Variants in STK3 observed in about 807,000 individuals in gnomAD.
The protein encoded by STK3 is serine/threonine kinase 3, also known as serine/threonine-protein kinase 3.
A neutral mutation model predicts 58.0 loss-of-function variants in STK3; 41 were observed. The observed-to-expected ratio is 0.71, with a 90% CI of 0.55 to 0.92. The LOEUF (loss-of-function observed/expected upper bound fraction) is 0.92, where lower values mean the gene tolerates loss of function less well. STK3 is among the 40% of genes least tolerant of loss of function. The probability of loss-of-function intolerance (pLI) is 0.00; values close to 1 mark genes in which losing one functional copy is unlikely to be tolerated. For synonymous variants in STK3, 170 were observed against 191.0 expected (o/e 0.89, Z 0.91); for missense variants, 479 against 602.7 (o/e 0.79, Z 2.15).
chr8:98,823,430 AAGAG>A (rs556149662), intron 1 of STK3, among the ~76,000 whole-genome samples: 1 of 152,246 alleles, frequency 6.6e-6, no homozygotes, highest in Non-Finnish European at 1.5e-5. Context: ...AATGATAAGA[AAGAG>A]AGTTTCAAAA....
rs182203051 is a variant in STK3 at position 98,649,688 on chromosome 8, A to G, written c.685-53519T>C. ...TTCATTTCTCACTTTTTTCTCCATA[A>G]TTTTCTTAGTCAACAAGTATGAACA... On this transcript the variant is annotated intron_variant, in intron 6 of 10. Transcript: ENST00000419617. Among the ~76,000 whole-genome samples the G allele has an allele frequency of 5.9e-3, 901 of 152,196 alleles. 5 individuals are homozygous for G. Among genetic ancestry groups the G allele is most frequent in the Non-Finnish European group, 8.7e-3 (592 of 67,980 alleles).
chr8:98,404,131 C>T (rs949331047), intron 3 of STK3, among the ~76,000 whole-genome samples: 2 of 152,226 alleles, frequency 1.3e-5, no homozygotes, highest in African/African-American at 2.4e-5. Flanking sequence ...CCTCCATTTA[C>T]AGCGAATCTA....
intron 10 of STK3, among the ~76,000 whole-genome samples, chr8:98,458,940 AAC>A (rs1317547675): frequency 6.6e-6 from 1 of 152,204 alleles, no homozygotes; most frequent in East Asian, 1.9e-4. Flanking sequence ...AAAATGGACT[AAC>A]ACAGTTAACT....
intron 10 of STK3, among the ~76,000 whole-genome samples, chr8:98,490,793 C>T (rs182893516): frequency 6.3e-4 from 96 of 152,218 alleles, no homozygotes; most frequent in Admixed American, 1.0e-3. Flanking sequence ...CGAATCTAGA[C>T]GTGTCAAAAG....
At chr8:98,762,402 C>G (rs1830680208) in intron 3 of STK3, among the ~76,000 whole-genome samples, 1 of 152,084 alleles carries the variant, frequency 6.6e-6, no homozygotes, top group South Asian at 2.1e-4. Flanking sequence ...ATTACAGGTG[C>G]CTGCCACCAC....
intron 4 of STK3, among the ~76,000 whole-genome samples, chr8:98,735,206 T>C (rs762379869): frequency 1.3e-5 from 2 of 152,116 alleles, no homozygotes; most frequent in Non-Finnish European, 2.9e-5. Context: ...AATTGGCTGT[T>C]TCAGCTCAAC....
Position 98,596,124 on chromosome 8 carries a change from G to T in STK3, c.730C>A (p.Pro244Thr). The T allele has an allele frequency of 6.2e-7, 1 of 1,613,096 alleles. No homozygotes were observed. Among genetic ancestry groups the T allele is most frequent in the Non-Finnish European group, 8.5e-7 (1 of 1,179,514 alleles). The change falls in exon 7 of 11, where the codon CCA (proline) becomes ACA (threonine). Residue 244 changes from proline to threonine, a missense_variant. By Grantham distance (38) the Pro-to-Thr change is conservative (BLOSUM62 -1). Around this residue, in one of 3 missense-constraint regions of STK3, gnomAD observed 309 missense variants for 355.7 expected, o/e 0.87. Coordinates refer to ENST00000419617, the MANE Select transcript of STK3 (RefSeq NM_006281.4). The part of the protein sequence containing the change: ...PTNPPPTFRK[P>T]ELWSDDFTDF... ...GTGAAATCATCGGACCAAAGTTCTG[G>T]CTTTCTGAATGTTGGTGGTGGATTT...
chr8:98,497,083 T>A (rs1823196543), intron 10 of STK3, among the ~76,000 whole-genome samples: 1 of 152,104 alleles, frequency 6.6e-6, no homozygotes, highest in Non-Finnish European at 1.5e-5. Flanking sequence ...GACAGTGTGG[T>A]AGTGGCATGA....
chr8:98,815,513 G>A (rs1452311287), intron 1 of STK3, among the ~76,000 whole-genome samples: 1 of 152,092 alleles, frequency 6.6e-6, no homozygotes, highest in Non-Finnish European at 1.5e-5. Flanking sequence ...AAATATCACA[G>A]CAGACAACAA....
chr8:98,381,213 C>T (rs1817728505), intron 1 of STK3, among the ~76,000 whole-genome samples: 1 of 151,992 alleles, frequency 6.6e-6, no homozygotes, highest in South Asian at 2.1e-4. Context: ...TCAGGTGATC[C>T]ACCTGCCTCA....
At chr8:98,586,429 G>A (rs992599905) in intron 7 of STK3, among the ~76,000 whole-genome samples, 2 of 150,602 alleles carry the variant, frequency 1.3e-5, no homozygotes, top group East Asian at 1.9e-4. Flanking sequence ...AACCAGCCTT[G>A]CATCCCAGGG....
rs1391616812 is a variant in STK3, at chr8:98,825,570, T to C, written c.-30A>G. On this transcript the variant is annotated 5_prime_UTR_variant, in exon 1 of 11. Coordinates refer to ENST00000419617, the MANE Select transcript of STK3 (RefSeq NM_006281.4). ...GCCGGGGACAGAGAGAGGGACCTGG[T>C]GGACGGCGAAGGCCGAAAGGAGGAA... 6.9e-7 allele frequency: 1 copy of C among 1,445,082 alleles called. No homozygotes were observed. Among genetic ancestry groups the C allele is most frequent in the Non-Finnish European group, 9.1e-7 (1 of 1,093,322 alleles). 89.5% of individuals were successfully genotyped at this position (1,445,082 alleles called of 1,614,324 possible).
intron 4 of STK3, 55 bp from the exon 5 acceptor site, chr8:98,707,366 T>A: frequency 7.6e-7 from 1 of 1,309,568 alleles, no homozygotes. Context: ...GATAAAATCT[T>A]ACGAAAGAGC....
chr8:98,484,354 G>C (rs1460612489), intron 10 of STK3, among the ~76,000 whole-genome samples: 1 of 152,078 alleles, frequency 6.6e-6, no homozygotes, highest in Non-Finnish European at 1.5e-5. Context: ...TCACTTAGAA[G>C]TTATAAAAGT....
chr8:98,926,043 T>TGA (rs1212451366), intron 1 of STK3, among the ~76,000 whole-genome samples: 1 of 152,030 alleles, frequency 6.6e-6, no homozygotes, highest in African/African-American at 2.4e-5. Flanking sequence ...GAAGAGAGGA[T>TGA]GAGAAGGAAG....
intron 1 of STK3, among the ~76,000 whole-genome samples, chr8:98,808,257 G>C (rs1834006829): frequency 6.6e-6 from 1 of 152,188 alleles, no homozygotes; most frequent in Non-Finnish European, 1.5e-5. Flanking sequence ...GGCAGGACAG[G>C]AAAGAAAGTG....
intron 4 of STK3, among the ~76,000 whole-genome samples, chr8:98,748,064 C>T (rs1016463266): frequency 2.6e-5 from 4 of 152,154 alleles, no homozygotes; most frequent in Non-Finnish European, 4.4e-5. Context: ...TTCATATCTA[C>T]TCAAAATTGT....
At chr8:98,612,055 A>G (rs1246827222) in intron 6 of STK3, among the ~76,000 whole-genome samples, 6 of 149,064 alleles carry the variant, frequency 4.0e-5, no homozygotes, top group Non-Finnish European at 4.4e-5. Context: ...ATATATAAAT[A>G]TACATATAAT....
intron 1 of STK3, among the ~76,000 whole-genome samples, chr8:98,789,639 A>T (rs1832682244): frequency 6.6e-6 from 1 of 152,224 alleles, no homozygotes; most frequent in Admixed American, 6.5e-5. Flanking sequence ...TTATGTGCAT[A>T]AACTAGAAAA....
Sources: gnomAD v4.1 joint callset for allele counts (sites outside exome capture counted in the v4.1 genomes callset) on GRCh38, gnomAD v4.1.1 for gene constraint, gnomAD v4.1.1 regional missense constraint, MANE v1.5 for transcripts, NCBI Gene and HGNC (gene_info 2026-07-23, HGNC 2026-07-21) for gene names.